The following SIRT1 variants were observed in gnomAD, a reference collection of about 807,000 sequenced individuals.
The protein encoded by SIRT1 is NAD-dependent protein deacetylase sirtuin-1.
In SIRT1, 24 loss-of-function variants were observed where a neutral mutation model predicts 67.9. That is an observed-to-expected ratio of 0.35 (90% CI 0.26 to 0.50). SIRT1 has a LOEUF of 0.50. SIRT1 is among the 20% of genes least tolerant of loss of function. The pLI is 0.98. For missense variants in SIRT1, 873 were observed against 937.2 expected (o/e 0.93, Z 0.89); for synonymous variants, 378 against 350.7 (o/e 1.08, Z -0.87).
rs1432077432 is a variant in SIRT1, at chr10:67,916,579, TCAAA to T, written c.2235_2238del (p.Lys746HisfsTer16). 1 of 1,608,920 alleles carries T rather than the reference TCAAA, an allele frequency of 6.2e-7. No individual in the cohort carries two copies. The highest frequency in any genetic ancestry group is 1.3e-5 in the African/African-American group (1 of 74,898). On this transcript the variant is annotated frameshift_variant, in exon 9 of 9. Transcript: ENST00000212015. LOFTEE classifies it high-confidence loss of function. ...GGAAGTAACAGACATGAACTATCCA[TCAAA>T]CAAATCATAGTGTAATAATTGTGCA...
At chr10:67,904,628 C>T (rs1403811221) in intron 4 of SIRT1, among the ~76,000 whole-genome samples, 2 of 151,960 alleles carry the variant, frequency 1.3e-5, no homozygotes, top group East Asian at 3.9e-4. Context: ...GGCGGATCAC[C>T]TGAGGTCAGG....
chr10:67,904,026 G>T (rs1299457032), intron 4 of SIRT1, among the ~76,000 whole-genome samples: 1 of 151,842 alleles, frequency 6.6e-6, no homozygotes, highest in Non-Finnish European at 1.5e-5. Context: ...CCAGTCATTG[G>T]TTTTCAACAA....
chr10:67,907,323 C>T (rs910501319), intron 5 of SIRT1, among the ~76,000 whole-genome samples: 6 of 151,712 alleles, frequency 4.0e-5, no homozygotes, highest in Admixed American at 2.0e-4. Flanking sequence ...GGTGAAATCC[C>T]AACTCTACTA....
At chr10:67,901,918 A>G (rs950464847) in intron 4 of SIRT1, among the ~76,000 whole-genome samples, 1 of 152,256 alleles carries the variant, frequency 6.6e-6, no homozygotes, top group Non-Finnish European at 1.5e-5. Context: ...ATTACTTCAC[A>G]TACTTTTTTT....
chr10:67,906,754 C>G, intron 4 of SIRT1, 36 bp from the exon 5 acceptor site: 4 of 1,591,836 alleles, frequency 2.5e-6, no homozygotes, highest in Non-Finnish European at 3.4e-6. Flanking sequence ...GTTTATTTCA[C>G]TAATGTAAAT....
At chr10:67,889,538 CAG>C (rs1385437138) in intron 3 of SIRT1, among the ~76,000 whole-genome samples, 13 of 152,164 alleles carry the variant, frequency 8.5e-5, no homozygotes, top group Non-Finnish European at 1.0e-4. Context: ...GGAAGAGTAA[CAG>C]ATTCCTACCT....
chr10:67,899,336 A>G (rs1306756689), intron 4 of SIRT1, among the ~76,000 whole-genome samples: 1 of 150,872 alleles, frequency 6.6e-6, no homozygotes, highest in East Asian at 1.9e-4. Context: ...ATATATAATT[A>G]TATATATATT....
In SIRT1 at chr10:67,885,062, C is replaced by A. The variant is rs182199697; in HGVS notation, c.341C>A (p.Pro114Gln). 8,558 of 1,432,942 alleles carry A rather than the reference C, an allele frequency of 6.0e-3. 45 individuals are homozygous for A. The highest frequency in any genetic ancestry group is 7.0e-3 in the Non-Finnish European group (7,648 of 1,085,904). 88.8% of individuals were successfully genotyped at this position (1,432,942 alleles called of 1,614,324 possible). A position where few individuals can be genotyped will look rare whatever the true frequency, so the allele number is the denominator to read the frequency against. The stretch of plus-strand genomic sequence containing the variant: ...GGCCTGCAGGGCCCATCTCGGGAGC[C>A]ACCGCTGGCCGACAACTTGTACGAC... ...GPGLQGPSREPPLADNLYDED... is the reference protein window; with the variant it reads ...GPGLQGPSREQPLADNLYDED... The change falls in exon 1 of 9, where the codon CCA (proline) becomes CAA (glutamine). Residue 114 changes from proline (P) to glutamine (Q), a missense_variant. Physicochemically the swap from Pro to Gln is moderately conservative, Grantham distance 76. Around this residue, in one of 3 missense-constraint regions of SIRT1, gnomAD observed 327 missense variants for 283.9 expected, o/e 1.15. Transcript: ENST00000212015.
chr10:67,887,485 A>C lies in SIRT1; in HGVS notation c.499A>C (p.Arg167=). Residue 167 remains arginine, a synonymous_variant, in exon 2 of 9, where the codon AGA becomes CGA. Coordinates refer to ENST00000212015, the MANE Select transcript of SIRT1 (RefSeq NM_012238.5). ...FHSCESDEED[R]ASHASSSDWT... ...TTCCTGTGAAAGTGATGAGGAGGAT[A>C]GAGCCTCACATGCAAGCTCTAGTGA... 1 of 1,613,896 alleles carries C rather than the reference A, an allele frequency of 6.2e-7. No homozygotes were observed. The highest frequency in any genetic ancestry group is 8.5e-7 in the Non-Finnish European group (1 of 1,179,808).
At chr10:67,908,431 C>G (rs1313725453) in intron 6 of SIRT1, among the ~76,000 whole-genome samples, 1 of 152,080 alleles carries the variant, frequency 6.6e-6, no homozygotes, top group Non-Finnish European at 1.5e-5. Context: ...CTTTTTGTGC[C>G]TGTCAGATTT....
chr10:67,916,091 G>T (rs1470293457), intron 8 of SIRT1, among the ~76,000 whole-genome samples, 174 bp from the exon 9 acceptor site: 1 of 152,206 alleles, frequency 6.6e-6, no homozygotes, highest in Non-Finnish European at 1.5e-5. Flanking sequence ...AGCCTCCTGA[G>T]TAGCTGGGAC....
intron 4 of SIRT1, among the ~76,000 whole-genome samples, chr10:67,895,646 G>A (rs2131859237): frequency 6.7e-6 from 1 of 148,522 alleles, no homozygotes. Flanking sequence ...ACTTCAGAAG[G>A]AAAGAGAGAC....
At position 67,884,708 on chromosome 10, in the gene SIRT1, G is replaced by C. The variant is rs201727822; in HGVS notation, c.-14G>C. 6 of 1,228,768 alleles carry C rather than the reference G, an allele frequency of 4.9e-6. No homozygotes were observed. In the Admixed American group the frequency reaches 1.3e-4, roughly 26 times the overall value. The allele number at this position is 1,228,768 out of a possible 1,614,324, so 76.1% of individuals were successfully genotyped here. On this transcript the variant is annotated 5_prime_UTR_variant, in exon 1 of 9. Coordinates refer to ENST00000212015, the MANE Select transcript of SIRT1 (RefSeq NM_012238.5). ...GAGGAGGCGAGGGAGGAGGGCCAGA[G>C]AGGCAGTTGGAAGATGGCGGACGAG...
intron 1 of SIRT1, 186 bp downstream of exon 1, chr10:67,885,337 G>A: frequency 8.1e-7 from 1 of 1,238,798 alleles, no homozygotes; most frequent in Non-Finnish European, 1.0e-6. Flanking sequence ...GCTGCCAGTG[G>A]ATTCGCTCTT....
intron 4 of SIRT1, among the ~76,000 whole-genome samples, chr10:67,893,731 G>C (rs1218823158): frequency 6.6e-6 from 1 of 152,140 alleles, no homozygotes; most frequent in Non-Finnish European, 1.5e-5. Flanking sequence ...TTTTGGTAGA[G>C]ACGGGGATTC....
Position 67,906,357 on chromosome 10 carries a change from A to G in SIRT1, c.943-433A>G, listed in dbSNP as rs910454626. The G allele has an allele frequency of 6.1e-6, 9 of 1,480,150 alleles. No individual in the cohort carries two copies. In the African/African-American group the frequency reaches 8.5e-5, roughly 14 times the overall value. 91.7% of individuals were successfully genotyped at this position (1,480,150 alleles called of 1,614,324 possible). ...TCTAATGAATGATAAATCAAAAAAAAATTTTAAATATTCTTGTATTGACAG... is the reference window on the plus strand; with the variant it reads ...TCTAATGAATGATAAATCAAAAAAAGATTTTAAATATTCTTGTATTGACAG... On this transcript the variant is annotated intron_variant, in intron 4 of 8. Coordinates refer to ENST00000212015, the MANE Select transcript of SIRT1 (RefSeq NM_012238.5).
chr10:67,916,852 AC>A lies in SIRT1; in HGVS notation c.*260del, dbSNP rs1564896617. ...TTCAATCAGCTGTTGGTCAAGACTA[AC>A]TTTCTTTTAAAGGTTCATTTGTATG... On this transcript the variant is annotated 3_prime_UTR_variant, in exon 9 of 9. Transcript: ENST00000212015. The A allele has an allele frequency of 8.8e-6, 2 of 226,780 alleles. No homozygotes were observed. Among genetic ancestry groups the A allele is most frequent in the East Asian group, 1.4e-4 (2 of 14,014 alleles). 14.0% of individuals were successfully genotyped at this position (226,780 alleles called of 1,614,324 possible). A position where few individuals can be genotyped will look rare whatever the true frequency, so the allele number is the denominator to read the frequency against.
intron 5 of SIRT1, 43 bp downstream of exon 5, chr10:67,906,980 T>C (rs1454649136): frequency 6.7e-7 from 1 of 1,490,436 alleles, no homozygotes; most frequent in Non-Finnish European, 8.9e-7. Context: ...TATTTTAGTT[T>C]TATAGGAAGA....
chr10:67,908,515 G>A lies in SIRT1; in HGVS notation c.1170+390G>A, dbSNP rs75100019. ...TTGCCAAAAAATATAGGAAAATTTGGCAGAAAATAAAAATTATCCAGAAAT... is the reference window on the plus strand; with the variant it reads ...TTGCCAAAAAATATAGGAAAATTTGACAGAAAATAAAAATTATCCAGAAAT... On this transcript the variant is annotated intron_variant, in intron 6 of 8. Transcript: ENST00000212015. 6.1e-3 allele frequency among the ~76,000 whole-genome samples: 927 copies of A among 152,198 alleles called. 13 individuals are homozygous for A. The highest frequency in any genetic ancestry group is 0.021 in the African/African-American group (864 of 41,520).
Sources: allele counts gnomAD v4.1 joint callset (sites outside exome capture counted in the v4.1 genomes callset), GRCh38; gene constraint gnomAD v4.1.1; regional missense constraint gnomAD v4.1.1; transcripts MANE v1.5; gene names NCBI Gene and HGNC (gene_info 2026-07-23, HGNC 2026-07-21).